Variants in DRC11 observed in about 807,000 individuals in gnomAD.
DRC11 encodes IQ and AAA domain-containing protein 1.
chr2:236,471,322 CT>C, the DRC11 span, among the ~76,000 whole-genome samples: 1 of 152,098 alleles, frequency 6.6e-6, no homozygotes, highest in African/African-American at 2.4e-5. This position sits in a 1 kb window ranked among gnomAD's most constrained non-coding sequence, Gnocchi z 4.6. Flanking sequence ...ATAGACCATA[CT>C]TTTATAAAAA....
At chr2:236,440,524 A>C in the DRC11 span, among the ~76,000 whole-genome samples, 1 of 152,220 alleles carries the variant, frequency 6.6e-6, no homozygotes, top group Non-Finnish European at 1.5e-5. Flanking sequence ...ATTTCATCAA[A>C]TGCCACTGAA....
At chr2:236,450,189 A>G in the DRC11 span, among the ~76,000 whole-genome samples, 1 of 151,618 alleles carries the variant, frequency 6.6e-6, no homozygotes, top group East Asian at 1.9e-4. Context: ...TATTGACTTT[A>G]TAATTTTTAC....
chr2:236,497,424 A>G, the DRC11 span: 40 of 1,613,690 alleles, frequency 2.5e-5, no homozygotes, highest in Non-Finnish European at 3.4e-5. This position sits in a 1 kb window ranked among gnomAD's most constrained non-coding sequence, Gnocchi z 5.1. Context: ...TCATCTTCTG[A>G]GGCTCTTTAT....
At chr2:236,380,758 C>T in the DRC11 span, 1 of 718,496 alleles carries the variant, frequency 1.4e-6, no homozygotes, top group South Asian at 1.7e-5. The surrounding 1 kb of genome is among the most constrained non-coding windows in gnomAD (Gnocchi z 4.9). Context: ...ATTGTGGTGG[C>T]GTGAACACAG....
At chr2:236,339,696 T>C in the DRC11 span, among the ~76,000 whole-genome samples, 1 of 152,218 alleles carries the variant, frequency 6.6e-6, no homozygotes, top group Non-Finnish European at 1.5e-5. Flanking sequence ...CTTTGCACCT[T>C]TGTCAAAACG....
the DRC11 span, among the ~76,000 whole-genome samples, chr2:236,335,443 G>C: frequency 1.3e-5 from 2 of 152,186 alleles, no homozygotes; most frequent in Non-Finnish European, 2.9e-5. The surrounding 1 kb of genome is among the most constrained non-coding windows in gnomAD (Gnocchi z 5.6). Flanking sequence ...GGGCCCCAGA[G>C]AAGTGTCTGG....
the DRC11 span, chr2:236,377,078 C>T: frequency 7.3e-7 from 1 of 1,372,668 alleles, no homozygotes; most frequent in South Asian, 1.2e-5. This position sits in a 1 kb window ranked among gnomAD's most constrained non-coding sequence, Gnocchi z 4.9. Context: ...GTGACACATA[C>T]ATGTATTATT....
At chr2:236,408,286 GC>G in the DRC11 span, 1 of 841,786 alleles carries the variant, frequency 1.2e-6, no homozygotes, top group Non-Finnish European at 2.1e-6. This position sits in a 1 kb window ranked among gnomAD's most constrained non-coding sequence, Gnocchi z 5.5. Context: ...CACAGAGAAG[GC>G]CACACAGGCA....
At chr2:236,497,083 AG>A in the DRC11 span, 1 of 1,085,998 alleles carries the variant, frequency 9.2e-7, no homozygotes, top group Non-Finnish European at 1.3e-6. This position sits in a 1 kb window ranked among gnomAD's most constrained non-coding sequence, Gnocchi z 5.1. Context: ...AAGTCTGTAG[AG>A]TATCGTGTAC....
chr2:236,450,773 T>C, the DRC11 span, among the ~76,000 whole-genome samples: 1 of 152,232 alleles, frequency 6.6e-6, no homozygotes, highest in African/African-American at 2.4e-5. Context: ...CCACTTTGTC[T>C]GATGTATGTT....
the DRC11 span, among the ~76,000 whole-genome samples, chr2:236,364,133 C>G: frequency 2.0e-5 from 3 of 152,190 alleles, no homozygotes; most frequent in African/African-American, 7.2e-5. Context: ...AGACACGCCT[C>G]CATCCCAGCT....
the DRC11 span, among the ~76,000 whole-genome samples, chr2:236,397,420 C>G: frequency 1.4e-4 from 21 of 152,318 alleles, no homozygotes; most frequent in Admixed American, 1.4e-3. The surrounding 1 kb of genome is among the most constrained non-coding windows in gnomAD (Gnocchi z 5.0). Flanking sequence ...AGCCACAACT[C>G]CCCTCTGTGA....
the DRC11 span, among the ~76,000 whole-genome samples, chr2:236,339,523 A>G: frequency 6.6e-6 from 1 of 152,198 alleles, no homozygotes; most frequent in Non-Finnish European, 1.5e-5. Flanking sequence ...ATTTTCTTGT[A>G]AGAGTGTTCT....
chr2:236,459,501 G>A, the DRC11 span, among the ~76,000 whole-genome samples: 1 of 102,570 alleles, frequency 9.7e-6, no homozygotes, highest in Admixed American at 1.0e-4. Flanking sequence ...ACGTATATAT[G>A]TATACGTATA....
At chr2:236,507,039 G>C in the DRC11 span, among the ~76,000 whole-genome samples, 2 of 152,156 alleles carry the variant, frequency 1.3e-5, no homozygotes, top group Non-Finnish European at 2.9e-5. Flanking sequence ...AGGGGAGGGG[G>C]AGATCTAAGT....
the DRC11 span, among the ~76,000 whole-genome samples, chr2:236,416,719 A>ATT: frequency 0.045 from 2,736 of 60,598 alleles, 162 homozygotes; most frequent in Middle Eastern, 0.071. Context: ...ATATATATAT[A>ATT]TTTATATATA....
the DRC11 span, among the ~76,000 whole-genome samples, chr2:236,468,362 G>A: frequency 6.6e-6 from 1 of 152,100 alleles, no homozygotes; most frequent in African/African-American, 2.4e-5. Context: ...AAAGTGATGG[G>A]ATCACAGGGG....
chr2:236,445,523 A>G, the DRC11 span, among the ~76,000 whole-genome samples: 7 of 150,708 alleles, frequency 4.6e-5, no homozygotes, highest in Middle Eastern at 3.2e-3. The surrounding 1 kb of genome is among the most constrained non-coding windows in gnomAD (Gnocchi z 4.8). Context: ...TATTTTTTGT[A>G]GAGATAGGGC....
At chr2:236,469,232 G>A in the DRC11 span, among the ~76,000 whole-genome samples, 1 of 152,300 alleles carries the variant, frequency 6.6e-6, no homozygotes, top group Middle Eastern at 3.4e-3. The surrounding 1 kb of genome is among the most constrained non-coding windows in gnomAD (Gnocchi z 5.8). Context: ...TTGAGACGGA[G>A]TCTCACTCTG....
Sources: allele counts gnomAD v4.1 joint callset (sites outside exome capture counted in the v4.1 genomes callset), GRCh38; gene constraint gnomAD v4.1.1; non-coding constraint Gnocchi (gnomAD v3.1); transcripts MANE v1.5; gene names NCBI Gene and HGNC (gene_info 2026-07-23, HGNC 2026-07-21).